Variants in CTNND2 observed in about 807,000 individuals in gnomAD.
CTNND2 encodes the protein catenin delta-2.
CTNND2 carries 22 observed loss-of-function variants against 144.4 expected under a neutral mutation model. The ratio of observed to expected loss-of-function variants is 0.15; its 90% CI spans 0.11 to 0.22. The LOEUF is 0.22. Among genes scored for constraint, CTNND2 ranks in the 10% least tolerant of loss-of-function variants. CTNND2 has a pLI of 1.00. For synonymous variants in CTNND2, 751 were observed against 695.6 expected (o/e 1.08, Z -1.25); for missense variants, 1,353 against 1,618.8 (o/e 0.84, Z 2.82).
chr5:11,197,040 A>C (rs1049107437), intron 11 of CTNND2, among the ~76,000 whole-genome samples: 3 of 152,208 alleles, frequency 2.0e-5, no homozygotes, highest in Non-Finnish European at 4.4e-5. Context: ...GAAACTCAGA[A>C]GGCTTTGTCT....
At chr5:11,030,699 T>C (rs994532716) in intron 16 of CTNND2, among the ~76,000 whole-genome samples, 1 of 151,736 alleles carries the variant, frequency 6.6e-6, no homozygotes. Flanking sequence ...AACAGTTGTT[T>C]TAAAGTCTTT....
intron 2 of CTNND2, among the ~76,000 whole-genome samples, chr5:11,682,582 G>A (rs1458378598): frequency 6.6e-6 from 1 of 152,146 alleles, no homozygotes; most frequent in Admixed American, 6.6e-5. Context: ...GATTTTTGCT[G>A]TATCTATAAA....
At chr5:11,100,869 A>G (rs1007024502) in intron 14 of CTNND2, among the ~76,000 whole-genome samples, 2 of 152,226 alleles carry the variant, frequency 1.3e-5, no homozygotes, top group African/African-American at 4.8e-5. Context: ...TAGCCATGTT[A>G]TCTTTTGCTG....
chr5:11,258,322 C>T (rs1456342575), intron 9 of CTNND2, among the ~76,000 whole-genome samples: 1 of 152,166 alleles, frequency 6.6e-6, no homozygotes, highest in East Asian at 1.9e-4. Flanking sequence ...TGGGCCCCTG[C>T]TCTCCTTTCT....
chr5:11,305,522 TATTGA>T (rs139880534), intron 9 of CTNND2, among the ~76,000 whole-genome samples: 36 of 152,296 alleles, frequency 2.4e-4, no homozygotes, highest in African/African-American at 8.2e-4. Context: ...TGTCACATCC[TATTGA>T]ATTGTTTATG....
chr5:11,243,838 C>T (rs1275823048), intron 9 of CTNND2, among the ~76,000 whole-genome samples: 1 of 152,070 alleles, frequency 6.6e-6, no homozygotes, highest in Admixed American at 6.6e-5. Context: ...GAAAAGAGTC[C>T]CAGGACAACT....
chr5:11,512,111 G>C (rs1192275609), intron 3 of CTNND2, among the ~76,000 whole-genome samples: 2 of 152,062 alleles, frequency 1.3e-5, no homozygotes, highest in Non-Finnish European at 1.5e-5. Flanking sequence ...ATAGCTTCTT[G>C]GGCATATGAC....
At chr5:11,688,215 C>T (rs1294124263) in intron 2 of CTNND2, among the ~76,000 whole-genome samples, 2 of 152,088 alleles carry the variant, frequency 1.3e-5, no homozygotes, top group East Asian at 3.9e-4. Context: ...GGCTCAAGAG[C>T]TTCATGTCTC....
chr5:11,766,880 T>C (rs1789620282), intron 1 of CTNND2, among the ~76,000 whole-genome samples: 1 of 152,178 alleles, frequency 6.6e-6, no homozygotes, highest in South Asian at 2.1e-4. Context: ...GTCAGAAATG[T>C]TCACGGTAAT....
At chr5:11,638,181 T>C (rs1781811291) in intron 2 of CTNND2, among the ~76,000 whole-genome samples, 1 of 152,160 alleles carries the variant, frequency 6.6e-6, no homozygotes, top group Non-Finnish European at 1.5e-5. Flanking sequence ...GTGTTACCTC[T>C]CTTCTCCACT....
intron 2 of CTNND2, among the ~76,000 whole-genome samples, chr5:11,661,622 T>A (rs1292892089): frequency 6.6e-6 from 1 of 152,084 alleles, no homozygotes; most frequent in Non-Finnish European, 1.5e-5. Flanking sequence ...TTAATACAGA[T>A]CTTTAAAAAA....
intron 9 of CTNND2, among the ~76,000 whole-genome samples, chr5:11,248,923 C>T (rs556271981): frequency 6.6e-6 from 1 of 152,166 alleles, no homozygotes; most frequent in Non-Finnish European, 1.5e-5. Flanking sequence ...TCGAAGAATG[C>T]CAACTTAATT....
chr5:11,874,107 A>C (rs1313448459), intron 1 of CTNND2, among the ~76,000 whole-genome samples: 1 of 152,212 alleles, frequency 6.6e-6, no homozygotes, highest in Non-Finnish European at 1.5e-5. Context: ...GCTGGAATTG[A>C]TTAAACATGC....
intron 10 of CTNND2, among the ~76,000 whole-genome samples, chr5:11,227,171 C>T (rs1231375713): frequency 6.6e-6 from 1 of 152,204 alleles, no homozygotes; most frequent in African/African-American, 2.4e-5. Context: ...TTACATTTAA[C>T]TGTTGGAAAG....
intron 9 of CTNND2, among the ~76,000 whole-genome samples, chr5:11,273,997 C>T (rs1433962148): frequency 6.6e-6 from 1 of 152,096 alleles, no homozygotes; most frequent in Non-Finnish European, 1.5e-5. Context: ...TATGCCTTCG[C>T]TTTTCATTTT....
At chr5:11,195,802 A>G (rs1287314658) in intron 11 of CTNND2, among the ~76,000 whole-genome samples, 1 of 152,242 alleles carries the variant, frequency 6.6e-6, no homozygotes, top group East Asian at 1.9e-4. Flanking sequence ...AAATTATATT[A>G]GTCAGGCCCA....
intron 2 of CTNND2, among the ~76,000 whole-genome samples, chr5:11,656,670 C>T (rs1280435456): frequency 6.6e-6 from 1 of 152,088 alleles, no homozygotes; most frequent in Non-Finnish European, 1.5e-5. Flanking sequence ...TCTCTCTTAT[C>T]GCAGGTGAGT....
At chr5:11,134,680 A>T (rs1006649667) in intron 12 of CTNND2, among the ~76,000 whole-genome samples, 4 of 152,224 alleles carry the variant, frequency 2.6e-5, no homozygotes, top group Admixed American at 1.3e-4. Context: ...TGTAGTCATT[A>T]AGATTTTTAG....
chr5:11,689,391 T>A (rs1024914926), intron 2 of CTNND2, among the ~76,000 whole-genome samples: 4 of 152,234 alleles, frequency 2.6e-5, no homozygotes, highest in African/African-American at 9.6e-5. Context: ...CACATACATT[T>A]GTGAATTAGT....
Sources: gnomAD v4.1 joint callset for allele counts (sites outside exome capture counted in the v4.1 genomes callset) on GRCh38, gnomAD v4.1.1 for gene constraint, MANE v1.5 for transcripts, NCBI Gene and HGNC (gene_info 2026-07-23, HGNC 2026-07-21) for gene names.